Variants in FBXL17 observed in about 807,000 individuals in gnomAD.
FBXL17 encodes the protein F-box/LRR-repeat protein 17.
In FBXL17, 22 loss-of-function variants were observed where a neutral mutation model predicts 66.2. That is an observed-to-expected ratio of 0.33 (90% CI 0.24 to 0.47). The LOEUF is 0.47. FBXL17 is among the 20% of genes least tolerant of loss of function. The probability of loss-of-function intolerance (pLI) is 1.00; values close to 1 mark genes in which losing one functional copy is unlikely to be tolerated. For missense variants in FBXL17, 878 were observed against 948.2 expected, an observed-to-expected ratio of 0.93 and a Z score of 0.97; for synonymous variants, 474 against 400.5, an observed-to-expected ratio of 1.18 and a Z score of -2.19.
intron 7 of FBXL17, among the ~76,000 whole-genome samples, chr5:107,935,225 T>C (rs570067659): frequency 6.6e-6 from 1 of 152,242 alleles, no homozygotes; most frequent in Non-Finnish European, 1.5e-5. Flanking sequence ...CAAGGACTCC[T>C]AAGAATTGAT....
At chr5:107,887,175 T>A (rs2112510911) in intron 7 of FBXL17, among the ~76,000 whole-genome samples, 1 of 152,308 alleles carries the variant, frequency 6.6e-6, no homozygotes, top group African/African-American at 2.4e-5. Context: ...ACTCTACTAT[T>A]TTTGTAACTT....
intron 4 of FBXL17, among the ~76,000 whole-genome samples, chr5:108,348,082 C>T (rs79217703): frequency 0.043 from 6,518 of 152,202 alleles, 764 homozygotes; most frequent in East Asian, 0.39. Context: ...GAAAGAACTA[C>T]ACAACCACAG....
intron 6 of FBXL17, among the ~76,000 whole-genome samples, chr5:108,173,585 G>A (rs1487935983): frequency 2.6e-5 from 4 of 152,130 alleles, no homozygotes; most frequent in South Asian, 2.1e-4. Flanking sequence ...TTCATTTGCA[G>A]AGCCACAGTC....
At chr5:107,877,418 G>T (rs999376679) in intron 8 of FBXL17, among the ~76,000 whole-genome samples, 5 of 152,114 alleles carry the variant, frequency 3.3e-5, no homozygotes, top group African/African-American at 1.2e-4. Flanking sequence ...TGGGGGTCGT[G>T]GGGGGAAACA....
At chr5:108,218,016 C>CTTTT (rs752575685) in intron 5 of FBXL17, among the ~76,000 whole-genome samples, 2 of 120,128 alleles carry the variant, frequency 1.7e-5, no homozygotes, top group African/African-American at 3.4e-5. Flanking sequence ...AATTTTTTTT[C>CTTTT]TTTTTTTTTT....
chr5:108,147,047 A>T (rs1751588740), intron 6 of FBXL17, among the ~76,000 whole-genome samples: 1 of 152,170 alleles, frequency 6.6e-6, no homozygotes, highest in Non-Finnish European at 1.5e-5. Context: ...GTGGAAGGGG[A>T]CAGGGGCATT....
Position 108,160,456 on chromosome 5 carries a change from A to G in FBXL17, c.1745+25661T>C, listed in dbSNP as rs190227392. ...CACTACTTTCTTGTGAAACAAAGAGAAGAAGAAGAAAGTTCTCAGTTAGTA... is the reference window on the plus strand; with the variant it reads ...CACTACTTTCTTGTGAAACAAAGAGGAGAAGAAGAAAGTTCTCAGTTAGTA... On this transcript the variant is annotated intron_variant, in intron 6 of 8. Coordinates refer to ENST00000542267, the MANE Select transcript of FBXL17 (RefSeq NM_001163315.3). Among the ~76,000 whole-genome samples the G allele has an allele frequency of 4.9e-3, 739 of 151,380 alleles. 2 individuals are homozygous for G. The highest frequency in any genetic ancestry group is 7.9e-3 in the Non-Finnish European group (535 of 68,016).
intron 4 of FBXL17, among the ~76,000 whole-genome samples, chr5:108,333,209 T>A (rs1268886311): frequency 9.3e-5 from 14 of 149,826 alleles, no homozygotes; most frequent in Admixed American, 3.3e-4. Flanking sequence ...AAGCATAAAA[T>A]ATATTTATAG....
chr5:108,339,580 A>T (rs997426511), intron 4 of FBXL17, among the ~76,000 whole-genome samples: 6 of 128,464 alleles, frequency 4.7e-5, no homozygotes, highest in East Asian at 4.0e-4. Flanking sequence ...GATTTTTATT[A>T]AAAAAAAAAA....
At chr5:108,001,800 G>A (rs1236154292) in intron 7 of FBXL17, among the ~76,000 whole-genome samples, 7 of 151,196 alleles carry the variant, frequency 4.6e-5, no homozygotes, top group South Asian at 4.2e-4. Context: ...GTGCCCAGCC[G>A]GAAAATTAGT....
chr5:108,378,310 T>C (rs763684675), intron 1 of FBXL17, among the ~76,000 whole-genome samples: 3 of 144,584 alleles, frequency 2.1e-5, no homozygotes, highest in African/African-American at 8.0e-5. Context: ...TCCCAAATTC[T>C]ACCTGCCTCG....
chr5:107,880,265 G>T, intron 8 of FBXL17: 3 of 612,266 alleles, frequency 4.9e-6, no homozygotes, highest in Non-Finnish European at 6.1e-6. Context: ...GGGGGATAGA[G>T]ACAGGGTTTT....
chr5:108,080,594 G>T (rs1048846067), intron 6 of FBXL17, among the ~76,000 whole-genome samples: 4 of 152,160 alleles, frequency 2.6e-5, no homozygotes, highest in Non-Finnish European at 5.9e-5. Flanking sequence ...AAGGTGGCTG[G>T]GTTACAGCTT....
chr5:108,252,480 C>A, intron 4 of FBXL17, among the ~76,000 whole-genome samples: 1 of 151,818 alleles, frequency 6.6e-6, no homozygotes, highest in East Asian at 1.9e-4. Flanking sequence ...TTCTGAAAAA[C>A]CAGAATTCTC....
intron 6 of FBXL17, among the ~76,000 whole-genome samples, chr5:108,052,067 C>T (rs187993648): frequency 2.9e-5 from 4 of 138,082 alleles, no homozygotes; most frequent in East Asian, 2.2e-4. Context: ...GAGCCGAGAT[C>T]GTGCCACTGC....
intron 7 of FBXL17, among the ~76,000 whole-genome samples, chr5:107,989,094 T>C (rs1015908145): frequency 6.6e-6 from 1 of 152,108 alleles, no homozygotes; most frequent in South Asian, 2.1e-4. Context: ...GTCATGGTAA[T>C]TGAGATATTC....
rs536001014 is a variant in FBXL17 at position 108,086,243 on chromosome 5, C to T, written c.1746-65242G>A. On this transcript the variant is annotated intron_variant, in intron 6 of 8. Transcript: ENST00000542267. ...GTCTCCCTTCTCCCTTGAAGATCCT[C>T]ATTCCAGAGAAGTCCTGCCCCATAA... 5.9e-5 allele frequency among the ~76,000 whole-genome samples: 9 copies of T among 152,260 alleles called. No homozygotes were observed. The South Asian group carries it at 1.9e-3, about 32-fold the overall frequency.
chr5:108,184,309 G>C (rs528693448), intron 6 of FBXL17, among the ~76,000 whole-genome samples: 2 of 151,818 alleles, frequency 1.3e-5, no homozygotes, highest in Middle Eastern at 3.4e-3. Context: ...TTGTTTTTTC[G>C]TTTTTTTGTT....
intron 7 of FBXL17, among the ~76,000 whole-genome samples, chr5:107,891,642 G>A (rs1482479415): frequency 6.6e-6 from 1 of 152,002 alleles, no homozygotes; most frequent in Non-Finnish European, 1.5e-5. Flanking sequence ...ACTCAAGGAT[G>A]TAAAAAGAAA....
Sources: allele counts gnomAD v4.1 joint callset (sites outside exome capture counted in the v4.1 genomes callset), GRCh38; gene constraint gnomAD v4.1.1; transcripts MANE v1.5; gene names NCBI Gene and HGNC (gene_info 2026-07-23, HGNC 2026-07-21).